MSI2: variants seen among roughly 807,000 people sequenced by gnomAD.
MSI2 encodes RNA-binding protein Musashi homolog 2.
In MSI2, 17 loss-of-function variants were observed where a neutral mutation model predicts 45.6. The ratio of observed to expected loss-of-function variants is 0.37; its 90% CI spans 0.26 to 0.56. The LOEUF (loss-of-function observed/expected upper bound fraction) is 0.56, where lower values mean the gene tolerates loss of function less well. Among genes scored for constraint, MSI2 ranks in the 20% least tolerant of loss-of-function variants. The probability of loss-of-function intolerance (pLI) is 0.77; values close to 1 mark genes in which losing one functional copy is unlikely to be tolerated. For missense variants in MSI2, 293 were observed against 444.2 expected (o/e 0.66, Z 3.06); for synonymous variants, 156 against 158.2 (o/e 0.99, Z 0.11).
chr17:57,379,481 CT>C (rs78899938), intron 5 of MSI2, among the ~76,000 whole-genome samples: 1,755 of 134,650 alleles, frequency 0.013, 22 homozygotes, highest in African/African-American at 0.038. Context: ...TTTCTTTCTT[CT>C]TTTTTTTTTT....
chr17:57,422,236 C>T (rs371512847), intron 6 of MSI2, among the ~76,000 whole-genome samples: 32 of 152,194 alleles, frequency 2.1e-4, no homozygotes, highest in African/African-American at 7.0e-4. Context: ...CTGAGGAGGG[C>T]GGATCATGAG....
At chr17:57,523,941 A>G (rs1161802328) in intron 6 of MSI2, among the ~76,000 whole-genome samples, 2 of 152,164 alleles carry the variant, frequency 1.3e-5, no homozygotes, top group African/African-American at 4.8e-5. Context: ...TGTGTAACTA[A>G]CCCCAAAACT....
intron 5 of MSI2, among the ~76,000 whole-genome samples, chr17:57,320,308 G>A (rs1179537576): frequency 2.6e-5 from 4 of 152,134 alleles, no homozygotes; most frequent in African/African-American, 4.8e-5. Flanking sequence ...TCTATCACAG[G>A]GACAGGGATG....
chr17:57,563,453 A>G (rs973716067), intron 7 of MSI2, among the ~76,000 whole-genome samples: 1 of 152,058 alleles, frequency 6.6e-6, no homozygotes, highest in African/African-American at 2.4e-5. Context: ...ACATGGAAAA[A>G]CTTGAGAGCA....
In MSI2 at chr17:57,683,251, T is replaced by C. The variant is rs1913723918; in HGVS notation, c.*3734T>C. The C allele has an allele frequency of 4.4e-6, 1 of 229,874 alleles. No homozygotes were observed. The highest frequency in any genetic ancestry group is 2.2e-5 in the African/African-American group (1 of 45,164). 14.2% of individuals were successfully genotyped at this position (229,874 alleles called of 1,614,324 possible). ...GACTAGTATAAAAATCATTGGGTAA[T>C]TGTTGGTTCTAATGACCTGAAAGGT... On this transcript the variant is annotated 3_prime_UTR_variant, in exon 14 of 14. Transcript: ENST00000284073. The surrounding 1 kb of genome is among the most constrained non-coding windows in gnomAD (Gnocchi z 5.2).
rs1011444527 is a variant in MSI2 at position 57,652,017 on chromosome 17, G to T, written c.728-82G>T. On this transcript the variant is annotated intron_variant, in intron 10 of 13. Transcript: ENST00000284073. The surrounding 1 kb of genome is among the most constrained non-coding windows in gnomAD (Gnocchi z 4.1). ...CCTGTCTTTGTGTGGAGGGCGGGGGGTTGTGTGGCCCGTGACCTAGGTCTG... is the reference window on the plus strand; with the variant it reads ...CCTGTCTTTGTGTGGAGGGCGGGGGTTTGTGTGGCCCGTGACCTAGGTCTG... 2.3e-6 allele frequency: 3 copies of T among 1,307,844 alleles called. No individual in the cohort carries two copies. The highest frequency in any genetic ancestry group is 2.9e-5 in the African/African-American group (2 of 68,802). The allele number at this position is 1,307,844 out of a possible 1,614,324, so 81.0% of individuals were successfully genotyped here. A position where few individuals can be genotyped will look rare whatever the true frequency, so the allele number is the denominator to read the frequency against.
rs568341930 is a variant in MSI2 at position 57,654,917 on chromosome 17, T to A, written c.790+2756T>A. Among the ~76,000 whole-genome samples the A allele has an allele frequency of 5.7e-4, 24 of 42,438 alleles. No homozygotes were observed. In the East Asian group the frequency reaches 9.3e-3, roughly 16 times the overall value. The allele number at this position is 42,438 out of a possible 152,430, so 27.8% of individuals were successfully genotyped here. On this transcript the variant is annotated intron_variant, in intron 11 of 13. Coordinates refer to ENST00000284073, the MANE Select transcript of MSI2 (RefSeq NM_138962.4). ...TTTTGTCTAGCTCCAACGTTTGGGT[T>A]TTTTTTTTTTTTTTTCCTTCCATTA...
At position 57,270,359 on chromosome 17, in the gene MSI2, T is replaced by C. The variant is rs149818501; in HGVS notation, c.312+8167T>C. ...ACTAGTAAGGTTCAGGGTTGGCCTT[T>C]GGACCAAAGTCTCTCTGAATCCCAA... On this transcript the variant is annotated intron_variant, in intron 5 of 13. Transcript: ENST00000284073. Among the ~76,000 whole-genome samples the C allele has an allele frequency of 2.6e-3, 402 of 152,316 alleles. 3 individuals carry two copies. Among genetic ancestry groups the C allele is most frequent in the African/African-American group, 9.3e-3 (387 of 41,552 alleles).
chr17:57,555,312 T>A (rs1490924674), intron 7 of MSI2, among the ~76,000 whole-genome samples: 1 of 152,234 alleles, frequency 6.6e-6, no homozygotes, highest in Non-Finnish European at 1.5e-5. Flanking sequence ...CGGGGACTCC[T>A]GCCTCCAGGC....
At chr17:57,511,815 A>C (rs2086362123) in intron 6 of MSI2, among the ~76,000 whole-genome samples, 1 of 152,144 alleles carries the variant, frequency 6.6e-6, no homozygotes, top group African/African-American at 2.4e-5. Context: ...GAAAAGCCAG[A>C]ACCTCACCTT....
intron 9 of MSI2, among the ~76,000 whole-genome samples, chr17:57,625,141 C>G (rs2055494394): frequency 6.6e-6 from 1 of 152,156 alleles, no homozygotes; most frequent in African/African-American, 2.4e-5. Flanking sequence ...GGCCCCATCT[C>G]CTAAGGCCAT....
intron 5 of MSI2, chr17:57,263,572 TA>T (rs1907511326): frequency 6.6e-6 from 1 of 152,238 alleles, no homozygotes; most frequent in South Asian, 2.1e-4. Context: ...ATTTCCAGGT[TA>T]GTCATTTGAT....
chr17:57,506,024 A>G (rs2086220711), intron 6 of MSI2, among the ~76,000 whole-genome samples: 1 of 152,178 alleles, frequency 6.6e-6, no homozygotes, highest in Non-Finnish European at 1.5e-5. Context: ...AGTTTCATGC[A>G]TGAGGAAGCA....
At chr17:57,458,343 A>G (rs1199311173) in intron 6 of MSI2, among the ~76,000 whole-genome samples, 2 of 151,962 alleles carry the variant, frequency 1.3e-5, no homozygotes, top group Non-Finnish European at 2.9e-5. Context: ...CTCGTGATCC[A>G]CCCGCCTTGG....
intron 6 of MSI2, among the ~76,000 whole-genome samples, chr17:57,469,961 A>G (rs2085402554): frequency 6.6e-6 from 1 of 152,172 alleles, no homozygotes. Context: ...TGATGCCATG[A>G]TGCCTCACGC....
At chr17:57,391,996 G>C (rs914569898) in intron 5 of MSI2, among the ~76,000 whole-genome samples, 1 of 152,210 alleles carries the variant, frequency 6.6e-6, no homozygotes, top group Non-Finnish European at 1.5e-5. Flanking sequence ...GTGAGCACTG[G>C]GGGGCAGCGG....
chr17:57,499,283 G>A (rs1412485238), intron 6 of MSI2, among the ~76,000 whole-genome samples: 1 of 151,052 alleles, frequency 6.6e-6, no homozygotes, highest in Non-Finnish European at 1.5e-5. Flanking sequence ...GGCTGAGGCA[G>A]GAGAATTGCT....
chr17:57,698,924 T>A, the MSI2 span, among the ~76,000 whole-genome samples: 1,209 of 146,562 alleles, frequency 8.2e-3, 27 homozygotes, highest in African/African-American at 0.03. Flanking sequence ...TGTGTGTGTG[T>A]GTGTGTGTGT....
chr17:57,388,607 A>G (rs1448083759), intron 5 of MSI2, among the ~76,000 whole-genome samples: 1 of 152,024 alleles, frequency 6.6e-6, no homozygotes, highest in Non-Finnish European at 1.5e-5. Context: ...GTCAACATCT[A>G]AGTGTTAAGA....
Sources: allele counts gnomAD v4.1 joint callset (sites outside exome capture counted in the v4.1 genomes callset), GRCh38; gene constraint gnomAD v4.1.1; non-coding constraint Gnocchi (gnomAD v3.1); transcripts MANE v1.5; gene names NCBI Gene and HGNC (gene_info 2026-07-23, HGNC 2026-07-21).